PPFIBP2: variants seen among roughly 807,000 people sequenced by gnomAD.
PPFIBP2 encodes the protein PPFIB scaffold protein 2, also known as liprin-beta-2.
A neutral mutation model predicts 118.3 loss-of-function variants in PPFIBP2; 118 were observed. The observed-to-expected ratio is 1.00, with a 90% CI of 0.86 to 1.16. The LOEUF is 1.16. PPFIBP2 is among the 50% of genes most tolerant of loss of function. The pLI is 0.00. For synonymous variants in PPFIBP2, 414 were observed against 397.4 expected, an observed-to-expected ratio of 1.04 and a Z score of -0.50; for missense variants, 1,195 against 1,073.1, an observed-to-expected ratio of 1.11 and a Z score of -1.59.
chr11:7,626,358 G>C (rs1198921199), intron 8 of PPFIBP2, among the ~76,000 whole-genome samples: 1 of 152,170 alleles, frequency 6.6e-6, no homozygotes, highest in East Asian at 1.9e-4. Context: ...TCATTCTTGA[G>C]ATTTCAAATC....
intron 7 of PPFIBP2, among the ~76,000 whole-genome samples, chr11:7,624,678 G>T (rs962611925): frequency 6.6e-6 from 1 of 152,238 alleles, no homozygotes; most frequent in Non-Finnish European, 1.5e-5. Flanking sequence ...GATGCTGAGA[G>T]AATTGAACCG....
chr11:7,635,515 TTC>T, intron 13 of PPFIBP2, 35 bp from the exon 14 acceptor site: 1 of 1,584,164 alleles, frequency 6.3e-7, no homozygotes, highest in Non-Finnish European at 8.7e-7. Context: ...AAGTCTCTTT[TTC>T]TCCACATAAA....
At chr11:7,656,989 G>C (rs1486614907), downstream of PPFIBP2, 2 of 371,902 alleles carry the variant, frequency 5.4e-6, no homozygotes, top group Non-Finnish European at 1.1e-5. Flanking sequence ...GTCCATGTGT[G>C]TCTTCAACCA....
chr11:7,557,158 A>G (rs968829640), intron 2 of PPFIBP2, among the ~76,000 whole-genome samples: 1 of 151,780 alleles, frequency 6.6e-6, no homozygotes, highest in Non-Finnish European at 1.5e-5. Flanking sequence ...CATTCTTCAA[A>G]TCTATCTTCC....
chr11:7,580,796 A>C (rs1391182142), intron 3 of PPFIBP2, among the ~76,000 whole-genome samples: 1 of 152,226 alleles, frequency 6.6e-6, no homozygotes, highest in Non-Finnish European at 1.5e-5. Flanking sequence ...GTAAGATAGT[A>C]CGATTAGTGC....
downstream of PPFIBP2, among the ~76,000 whole-genome samples, chr11:7,657,859 A>G (rs564573239): frequency 6.6e-6 from 1 of 152,340 alleles, no homozygotes; most frequent in East Asian, 1.9e-4. Context: ...TCGTCTTACC[A>G]TACCCGTCCT....
In PPFIBP2 at chr11:7,642,434, T is replaced by C. The variant is rs755916762; in HGVS notation, c.1646+8T>C. The C allele has an allele frequency of 1.2e-6, 2 of 1,608,256 alleles. No individual in the cohort carries two copies. Among genetic ancestry groups the C allele is most frequent in the Non-Finnish European group, 1.7e-6 (2 of 1,176,610 alleles). ...CTCCAAGGGACAGAAAAGGTAAGGC[T>C]TGACCCACTTTCCTTTGATCTCCCT... On this transcript the variant is annotated splice_region_variant and intron_variant, in intron 17 of 23. Transcript: ENST00000299492.
chr11:7,635,340 G>A (rs913528677), intron 13 of PPFIBP2, among the ~76,000 whole-genome samples: 2 of 152,354 alleles, frequency 1.3e-5, no homozygotes, highest in African/African-American at 2.4e-5. Flanking sequence ...GGTTGCCATG[G>A]TCATGTTGCT....
chr11:7,597,995 G>A, intron 5 of PPFIBP2: 2 of 235,752 alleles, frequency 8.5e-6, no homozygotes, highest in Non-Finnish European at 1.7e-5. Flanking sequence ...TCCTGTGGGT[G>A]CCATCTGGAG....
Position 7,653,028 on chromosome 11 carries a change from G to C in PPFIBP2, c.2441G>C (p.Arg814Thr). The C allele has an allele frequency of 6.2e-7, 1 of 1,606,568 alleles. No individual in the cohort carries two copies. Among genetic ancestry groups the C allele is most frequent in the Middle Eastern group, 1.7e-4 (1 of 6,040 alleles). ...PLTTTAKVRP[R>T]KLGFSHFGNI... Reference sequence around the variant, plus strand: ...CTTGCATTTTCTGTGTTTTAGCCAAGGAAACTAGGATTTTCACACTTCGGA... The same window carrying C: ...CTTGCATTTTCTGTGTTTTAGCCAACGAAACTAGGATTTTCACACTTCGGA... Residue 814 changes from arginine (R) to threonine (T), a missense_variant, in exon 24 of 24, where the codon AGG becomes ACG. Arg to Thr is a moderately conservative substitution (Grantham distance 71). Coordinates refer to ENST00000299492, the MANE Select transcript of PPFIBP2 (RefSeq NM_003621.5).
At chr11:7,665,459 C>T in the PPFIBP2 span, 5 of 1,613,852 alleles carry the variant, frequency 3.1e-6, no homozygotes, top group Non-Finnish European at 3.4e-6. Context: ...TGGCGGGCCA[C>T]ACACCAGGAT....
chr11:7,649,367 G>C, intron 20 of PPFIBP2, 132 bp downstream of exon 20: 1 of 1,246,158 alleles, frequency 8.0e-7, no homozygotes, highest in South Asian at 1.4e-5. Context: ...TCACAAAAGA[G>C]GTCCCAAGTA....
chr11:7,521,400 C>T (rs1338706382), intron 1 of PPFIBP2, among the ~76,000 whole-genome samples: 2 of 152,226 alleles, frequency 1.3e-5, no homozygotes, highest in African/African-American at 4.8e-5. Flanking sequence ...GCTGCCTCTC[C>T]ACTGTTCCCC....
the PPFIBP2 span, chr11:7,665,401 A>T: frequency 6.3e-7 from 1 of 1,599,822 alleles, no homozygotes; most frequent in Non-Finnish European, 8.5e-7. Context: ...TGTCCTGGGT[A>T]TAACCCAGCT....
At chr11:7,531,316 C>T (rs1430562222) in intron 1 of PPFIBP2, among the ~76,000 whole-genome samples, 2 of 152,152 alleles carry the variant, frequency 1.3e-5, no homozygotes, top group African/African-American at 4.8e-5. Context: ...AGCTTTTGAA[C>T]TGAGTTGAAG....
chr11:7,566,513 C>T (rs890497518), intron 3 of PPFIBP2, among the ~76,000 whole-genome samples: 1 of 151,986 alleles, frequency 6.6e-6, no homozygotes, highest in East Asian at 1.9e-4. Context: ...GAAGTGCGAG[C>T]CACACCTGGC....
At position 7,630,957 on chromosome 11, in the gene PPFIBP2, GA is replaced by G; in HGVS notation, c.999del (p.Glu334AsnfsTer55). 1.2e-6 allele frequency: 2 copies of G among 1,614,134 alleles called. No individual in the cohort carries two copies. The highest frequency in any genetic ancestry group is 1.7e-6 in the Non-Finnish European group (2 of 1,179,994). ...PSERTLSINEEEPEGGFSKWN... is the reference protein window; with the variant it reads ...PSERTLSINEXEPEGGFSKWN... ...GGAGAGAACTCTCTCAATCAATGAA[GA>G]AGAACCGGAGGGAGGTTTCAGCAAG... On this transcript the variant is annotated frameshift_variant, in exon 11 of 24. Transcript: ENST00000299492. LOFTEE classifies it high-confidence loss of function.
intron 22 of PPFIBP2, 105 bp downstream of exon 22, chr11:7,651,070 C>G (rs1176624328): frequency 8.1e-7 from 1 of 1,237,782 alleles, no homozygotes; most frequent in African/African-American, 1.5e-5. Flanking sequence ...AAAATAGGTA[C>G]TTCATCTGGA....
chr11:7,618,774 G>A (rs148905014), intron 6 of PPFIBP2, among the ~76,000 whole-genome samples: 1,643 of 151,906 alleles, frequency 0.011, 33 homozygotes, highest in African/African-American at 0.038. Context: ...TAGAGATAGG[G>A]TTTCACCATG....
Sources: allele counts gnomAD v4.1 joint callset (sites outside exome capture counted in the v4.1 genomes callset), GRCh38; gene constraint gnomAD v4.1.1; transcripts MANE v1.5; gene names NCBI Gene and HGNC (gene_info 2026-07-23, HGNC 2026-07-21).